The following EXOC6B variants were observed in gnomAD, a reference collection of about 807,000 sequenced individuals.
EXOC6B encodes SEC15 homolog B.
In EXOC6B, 54 loss-of-function variants were observed where a neutral mutation model predicts 113.5. The observed-to-expected ratio is 0.48, with a 90% CI of 0.38 to 0.60. The LOEUF is 0.60. Among genes scored for constraint, EXOC6B ranks in the 20% least tolerant of loss-of-function variants. The pLI is 0.00. For missense variants in EXOC6B, 797 were observed against 977.5 expected (o/e 0.82, Z 2.46); for synonymous variants, 357 against 339.0 (o/e 1.05, Z -0.58).
chr2:72,414,690 A>G (rs2105236276), intron 18 of EXOC6B, among the ~76,000 whole-genome samples: 1 of 152,316 alleles, frequency 6.6e-6, no homozygotes, highest in African/African-American at 2.4e-5. Context: ...CTTCTTGAGT[A>G]CCCAAGTTCA....
chr2:72,711,559 C>T (rs1679274223), intron 6 of EXOC6B, among the ~76,000 whole-genome samples: 1 of 152,012 alleles, frequency 6.6e-6, no homozygotes, highest in South Asian at 2.1e-4. Flanking sequence ...AGTACCATGC[C>T]CTATATAACT....
At chr2:72,266,998 A>AT (rs1198416970) in intron 20 of EXOC6B, among the ~76,000 whole-genome samples, 2 of 152,042 alleles carry the variant, frequency 1.3e-5, no homozygotes, top group Non-Finnish European at 2.9e-5. Flanking sequence ...ATTCCTAAGT[A>AT]TTTTATTCTC....
At chr2:72,483,958 C>T (rs911214904) in intron 16 of EXOC6B, among the ~76,000 whole-genome samples, 2 of 151,600 alleles carry the variant, frequency 1.3e-5, no homozygotes, top group African/African-American at 4.9e-5. Context: ...TTATCTCTTA[C>T]ATAAAGTTCT....
intron 6 of EXOC6B, among the ~76,000 whole-genome samples, chr2:72,677,402 G>T (rs368700111): frequency 6.6e-5 from 10 of 151,858 alleles, no homozygotes; most frequent in Non-Finnish European, 8.8e-5. Flanking sequence ...AAAGGAAAAA[G>T]GTATAATAAG....
intron 6 of EXOC6B, among the ~76,000 whole-genome samples, chr2:72,589,266 A>T (rs949822706): frequency 6.6e-6 from 1 of 152,058 alleles, no homozygotes; most frequent in Admixed American, 6.6e-5. Context: ...TACTTCAAAA[A>T]TGAAAAAAGA....
At chr2:72,280,933 A>G (rs1391846848) in intron 20 of EXOC6B, among the ~76,000 whole-genome samples, 1 of 152,126 alleles carries the variant, frequency 6.6e-6, no homozygotes, top group Non-Finnish European at 1.5e-5. Context: ...GCCTATTGGC[A>G]TAGGCCAATG....
chr2:72,587,257 C>T, intron 6 of EXOC6B, among the ~76,000 whole-genome samples: 1 of 152,104 alleles, frequency 6.6e-6, no homozygotes, highest in Non-Finnish European at 1.5e-5. Flanking sequence ...AAATCATGTC[C>T]TTTGCAGCAG....
At chr2:72,609,496 A>T (rs1306825125) in intron 6 of EXOC6B, among the ~76,000 whole-genome samples, 1 of 151,634 alleles carries the variant, frequency 6.6e-6, no homozygotes, top group African/African-American at 2.4e-5. Context: ...AACACCCAAG[A>T]ATGATCAATA....
chr2:72,609,365 G>A (rs1331968740), intron 6 of EXOC6B, among the ~76,000 whole-genome samples: 1 of 152,022 alleles, frequency 6.6e-6, no homozygotes, highest in African/African-American at 2.4e-5. Context: ...GGAAAAGGTA[G>A]ACCATTTCAG....
chr2:72,189,860 C>CTTCTTTTTTTT (rs1178321834), intron 20 of EXOC6B, among the ~76,000 whole-genome samples: 35 of 87,212 alleles, frequency 4.0e-4, no homozygotes, highest in African/African-American at 2.1e-3. Context: ...CCTTCTTCTT[C>CTTCTTTTTTTT]TTTTTTTTTT....
Position 72,733,133 on chromosome 2 carries a change from C to T in EXOC6B, c.280-15G>A. On this transcript the variant is annotated splice_polypyrimidine_tract_variant and intron_variant, in intron 2 of 21. Coordinates refer to ENST00000272427, the MANE Select transcript of EXOC6B (RefSeq NM_015189.3). ...GTCACTTGATTCTGTGGAGAGAAGACAATTTAAACTCATAAAAAACAAACA... is the reference window on the plus strand; with the variant it reads ...GTCACTTGATTCTGTGGAGAGAAGATAATTTAAACTCATAAAAAACAAACA... 6.4e-7 allele frequency: 1 copy of T among 1,563,790 alleles called. No individual in the cohort carries two copies. The highest frequency in any genetic ancestry group is 8.7e-7 in the Non-Finnish European group (1 of 1,145,408).
rs147993032 is a variant in EXOC6B at position 72,310,884 on chromosome 2, C to CACACACACACACAT, written c.2196+24062_2196+24063insATGTGTGTGTGTGT. ...ACACACACACACACACACACACACA[C>CACACACACACACAT]ACACAGAGCTAGTATTAATATTATA... On this transcript the variant is annotated intron_variant, in intron 20 of 21. Transcript: ENST00000272427. Among the ~76,000 whole-genome samples the CACACACACACACAT allele has an allele frequency of 6.7e-5, 10 of 149,340 alleles. 1 individual carries two copies. Among genetic ancestry groups the CACACACACACACAT allele is most frequent in the African/African-American group, 1.8e-4 (7 of 39,754 alleles).
At chr2:72,635,095 T>C (rs1450339625) in intron 6 of EXOC6B, among the ~76,000 whole-genome samples, 14 of 152,080 alleles carry the variant, frequency 9.2e-5, no homozygotes, top group Non-Finnish European at 1.6e-4. Flanking sequence ...ACTACATGTA[T>C]ATACATTAGA....
At chr2:72,797,452 A>G (rs1036567108) in intron 1 of EXOC6B, among the ~76,000 whole-genome samples, 2 of 152,252 alleles carry the variant, frequency 1.3e-5, no homozygotes, top group Non-Finnish European at 2.9e-5. Flanking sequence ...AAAATGATCT[A>G]GAATTTGGAC....
Position 72,535,851 on chromosome 2 carries a change from C to T in EXOC6B, c.916-20725G>A, listed in dbSNP as rs368612240. Among the ~76,000 whole-genome samples the T allele has an allele frequency of 3.5e-5, 5 of 142,850 alleles. No homozygotes were observed. In the East Asian group the frequency reaches 6.3e-4, roughly 18 times the overall value. 93.7% of individuals were successfully genotyped at this position (142,850 alleles called of 152,430 possible). On this transcript the variant is annotated intron_variant, in intron 8 of 21. Transcript: ENST00000272427. Reference sequence around the variant, plus strand: ...CGCCATTGCACTCCAGCCTGGGCAACGAGAGCAAAATTCTGTCTCAAAAAA... The same window carrying T: ...CGCCATTGCACTCCAGCCTGGGCAATGAGAGCAAAATTCTGTCTCAAAAAA...
chr2:72,597,893 C>A (rs1001778459), intron 6 of EXOC6B, among the ~76,000 whole-genome samples: 1 of 151,948 alleles, frequency 6.6e-6, no homozygotes, highest in South Asian at 2.1e-4. Flanking sequence ...GAAGACACAA[C>A]AGTCCTTAGT....
chr2:72,511,374 C>T (rs1429669266), intron 11 of EXOC6B, among the ~76,000 whole-genome samples: 1 of 152,088 alleles, frequency 6.6e-6, no homozygotes, highest in Non-Finnish European at 1.5e-5. Flanking sequence ...TAAGCATTTC[C>T]TTGATAGTTC....
At chr2:72,628,816 T>G (rs1672217896) in intron 6 of EXOC6B, among the ~76,000 whole-genome samples, 1 of 152,158 alleles carries the variant, frequency 6.6e-6, no homozygotes, top group Admixed American at 6.5e-5. Flanking sequence ...TGAGACTACA[T>G]ACAGTACGTT....
chr2:72,236,069 CAAA>C (rs1487993313), intron 20 of EXOC6B, among the ~76,000 whole-genome samples: 2 of 152,082 alleles, frequency 1.3e-5, no homozygotes, highest in Admixed American at 1.3e-4. Context: ...TTTACAGAAA[CAAA>C]AAGTGATGTC....
Sources: gnomAD v4.1 joint callset for allele counts (sites outside exome capture counted in the v4.1 genomes callset) on GRCh38, gnomAD v4.1.1 for gene constraint, MANE v1.5 for transcripts, NCBI Gene and HGNC (gene_info 2026-07-23, HGNC 2026-07-21) for gene names.